TMEM132C: variants seen among roughly 807,000 people sequenced by gnomAD.
TMEM132C encodes the protein transmembrane protein 132C.
Under a neutral mutation model 61.4 loss-of-function variants are expected in TMEM132C, and 29 were observed. That is an observed-to-expected ratio of 0.47 (90% CI 0.35 to 0.64). The LOEUF is 0.64. Among genes scored for constraint, TMEM132C ranks in the 30% least tolerant of loss-of-function variants. TMEM132C has a pLI of 0.00. For synonymous variants in TMEM132C, 656 were observed against 633.1 expected (o/e 1.04, Z -0.54); for missense variants, 1,408 against 1,476.9 (o/e 0.95, Z 0.76).
chr12:128,505,063 TAGAG>T (rs1427285653), intron 2 of TMEM132C, among the ~76,000 whole-genome samples: 3 of 151,086 alleles, frequency 2.0e-5, no homozygotes, highest in South Asian at 4.2e-4. Context: ...TTGTCAGTGT[TAGAG>T]AGCCCTAGTG....
At chr12:128,471,076 A>G (rs573509479) in intron 2 of TMEM132C, among the ~76,000 whole-genome samples, 3 of 152,112 alleles carry the variant, frequency 2.0e-5, no homozygotes, top group South Asian at 4.1e-4. Context: ...TCTCCTGTGT[A>G]TTGTAGGATG....
intron 1 of TMEM132C, among the ~76,000 whole-genome samples, chr12:128,292,073 C>T (rs1446191739): frequency 6.6e-6 from 1 of 152,212 alleles, no homozygotes; most frequent in African/African-American, 2.4e-5. Flanking sequence ...GTCTCACCAT[C>T]CGTCTCTGCT....
At chr12:128,491,744 C>T (rs1161466915) in intron 2 of TMEM132C, among the ~76,000 whole-genome samples, 5 of 152,074 alleles carry the variant, frequency 3.3e-5, no homozygotes, top group South Asian at 2.1e-4. Flanking sequence ...GAGGTTGTAC[C>T]GGCTCTCAAC....
intron 1 of TMEM132C, among the ~76,000 whole-genome samples, chr12:128,408,439 G>A (rs1453166987): frequency 6.6e-6 from 1 of 152,114 alleles, no homozygotes; most frequent in Non-Finnish European, 1.5e-5. Context: ...CCTTCACAGA[G>A]CCCTTGGCTC....
intron 2 of TMEM132C, among the ~76,000 whole-genome samples, chr12:128,540,445 G>T (rs753174424): frequency 9.2e-5 from 14 of 152,114 alleles, no homozygotes; most frequent in Non-Finnish European, 1.5e-4. Context: ...GTAGAGATGG[G>T]TTTTTGCCAT....
intron 1 of TMEM132C, among the ~76,000 whole-genome samples, chr12:128,339,318 G>T (rs537282463): frequency 6.6e-6 from 1 of 152,156 alleles, no homozygotes; most frequent in Admixed American, 6.5e-5. Context: ...AGCCCAGGGG[G>T]TTGGAGGTCT....
In TMEM132C at chr12:128,566,903, G is replaced by A. The variant is rs1874722883; in HGVS notation, c.1121+22800G>A. On this transcript the variant is annotated intron_variant, in intron 3 of 8. Transcript: ENST00000435159. Reference sequence around the variant, plus strand: ...AGCATCCACCACCTACAGTTACTTTGAAAATTAAATTAATGTGCTTCTAAA... The same window carrying A: ...AGCATCCACCACCTACAGTTACTTTAAAAATTAAATTAATGTGCTTCTAAA... Among the ~76,000 whole-genome samples, 3 of 152,168 alleles carry A rather than the reference G, an allele frequency of 2.0e-5. No homozygotes were observed. In the South Asian group the frequency reaches 6.2e-4, roughly 32 times the overall value.
At chr12:128,496,341 G>C (rs1452181524) in intron 2 of TMEM132C, among the ~76,000 whole-genome samples, 1 of 152,052 alleles carries the variant, frequency 6.6e-6, no homozygotes. Context: ...GAGTATCTTT[G>C]TGGCGTTCTC....
intron 1 of TMEM132C, among the ~76,000 whole-genome samples, chr12:128,386,104 C>T (rs556371178): frequency 2.4e-4 from 37 of 152,228 alleles, no homozygotes; most frequent in South Asian, 4.2e-4. Context: ...GTGTGTTATT[C>T]GGAATTTTAT....
chr12:128,665,269 A>T (rs1301777469), intron 4 of TMEM132C, among the ~76,000 whole-genome samples: 1 of 147,102 alleles, frequency 6.8e-6, no homozygotes, highest in Admixed American at 6.7e-5. Context: ...ACATACACAA[A>T]CAGGCACACG....
chr12:128,549,185 C>G (rs1874066600), intron 3 of TMEM132C, among the ~76,000 whole-genome samples: 1 of 152,096 alleles, frequency 6.6e-6, no homozygotes, highest in Non-Finnish European at 1.5e-5. Flanking sequence ...GTGTTTGGTC[C>G]TGGGCCCAGG....
At chr12:128,509,705 T>A (rs1239109552) in intron 2 of TMEM132C, among the ~76,000 whole-genome samples, 1 of 151,876 alleles carries the variant, frequency 6.6e-6, no homozygotes, top group African/African-American at 2.4e-5. Flanking sequence ...ATCACAGTCA[T>A]CAGCACTGGG....
chr12:128,538,268 C>T lies in TMEM132C; in HGVS notation c.975-5689C>T, dbSNP rs374856449. ...CCCAAGTAGCTGGGATTACAGGTCC[C>T]TCCCACCATGCCTGGTTAATTTTTT... On this transcript the variant is annotated intron_variant, in intron 2 of 8. Transcript: ENST00000435159. Among the ~76,000 whole-genome samples the T allele has an allele frequency of 1.1e-4, 16 of 151,506 alleles. 1 individual carries two copies. The highest frequency in any genetic ancestry group is 5.3e-4 in the Admixed American group (8 of 15,130).
At chr12:128,660,141 C>T (rs991052623) in intron 4 of TMEM132C, among the ~76,000 whole-genome samples, 4 of 152,160 alleles carry the variant, frequency 2.6e-5, no homozygotes, top group Admixed American at 1.3e-4. Flanking sequence ...CACCAAAGGT[C>T]GGCTCCACCT....
intron 2 of TMEM132C, among the ~76,000 whole-genome samples, chr12:128,501,166 A>G (rs574460898): frequency 6.6e-6 from 1 of 152,260 alleles, no homozygotes; most frequent in South Asian, 2.1e-4. Context: ...TGGTACGCCT[A>G]TAACTAAGAC....
chr12:128,477,299 C>G (rs1388991320), intron 2 of TMEM132C, among the ~76,000 whole-genome samples: 1 of 152,100 alleles, frequency 6.6e-6, no homozygotes, highest in Non-Finnish European at 1.5e-5. Context: ...ACCAAGCTAG[C>G]CTGGGAATGT....
At chr12:128,490,033 C>T (rs1206103019) in intron 2 of TMEM132C, among the ~76,000 whole-genome samples, 1 of 152,198 alleles carries the variant, frequency 6.6e-6, no homozygotes, top group African/African-American at 2.4e-5. Context: ...ATTCACATTT[C>T]AGCCGTTCCT....
Position 128,445,338 on chromosome 12 carries a change from G to A in TMEM132C, c.974+29718G>A, listed in dbSNP as rs145817521. ...AGGGTGCTATTTAGAAGATTCGAGT[G>A]GCCTCTTTTCCTCTCATTGCCTCTC... On this transcript the variant is annotated intron_variant, in intron 2 of 8. Transcript: ENST00000435159. Among the ~76,000 whole-genome samples, 340 of 152,268 alleles carry A rather than the reference G, an allele frequency of 2.2e-3. 1 individual carries two copies. Among genetic ancestry groups the A allele is most frequent in the African/African-American group, 7.6e-3 (315 of 41,554 alleles).
intron 2 of TMEM132C, among the ~76,000 whole-genome samples, chr12:128,429,377 C>T (rs922081173): frequency 1.3e-5 from 2 of 152,134 alleles, no homozygotes; most frequent in African/African-American, 4.8e-5. Flanking sequence ...GGTTGATTGC[C>T]GTGTGGCTAG....
Sources: allele counts gnomAD v4.1 joint callset (sites outside exome capture counted in the v4.1 genomes callset), GRCh38; gene constraint gnomAD v4.1.1; transcripts MANE v1.5; gene names NCBI Gene and HGNC (gene_info 2026-07-23, HGNC 2026-07-21).